PLEKHG1: variants seen among roughly 807,000 people sequenced by gnomAD.
PLEKHG1 encodes pleckstrin homology and RhoGEF domain containing G1.
In PLEKHG1, 44 loss-of-function variants were observed where a neutral mutation model predicts 100.8. The observed-to-expected ratio is 0.44, with a 90% CI of 0.34 to 0.56. PLEKHG1 has a LOEUF of 0.56. Ranked by LOEUF, PLEKHG1 falls within the 20% of genes least tolerant of loss-of-function variation. The pLI is 0.01. For synonymous variants in PLEKHG1, 640 were observed against 662.5 expected (o/e 0.97, Z 0.52); for missense variants, 1,545 against 1,720.9 (o/e 0.90, Z 1.81).
intron 1 of PLEKHG1, among the ~76,000 whole-genome samples, chr6:150,636,285 CT>C (rs951053507): frequency 5.2e-4 from 74 of 141,950 alleles, no homozygotes; most frequent in South Asian, 1.9e-3. Context: ...TAACTCATGA[CT>C]TTTTTTAAAA....
intron 2 of PLEKHG1, among the ~76,000 whole-genome samples, chr6:150,763,829 T>A (rs7759456): frequency 0.36 from 55,481 of 152,118 alleles, 12,422 homozygotes; most frequent in African/African-American, 0.62. Context: ...TGAGAAAGCA[T>A]CCTTCCTGGG....
chr6:150,680,759 C>T (rs1779901984), intron 3 of PLEKHG1, among the ~76,000 whole-genome samples: 2 of 152,072 alleles, frequency 1.3e-5, no homozygotes, highest in African/African-American at 4.8e-5. Context: ...GGGATGTGTG[C>T]GGTGAAGCGG....
intron 3 of PLEKHG1, among the ~76,000 whole-genome samples, chr6:150,706,832 A>G (rs1443546618): frequency 1.3e-5 from 2 of 152,002 alleles, no homozygotes; most frequent in Non-Finnish European, 2.9e-5. Flanking sequence ...GCTAATTAGG[A>G]TAAATGGCAA....
intron 3 of PLEKHG1, among the ~76,000 whole-genome samples, chr6:150,712,442 A>G (rs994894622): frequency 3.3e-5 from 5 of 152,334 alleles, no homozygotes; most frequent in Non-Finnish European, 7.3e-5. Context: ...AATAATACAT[A>G]TTCATTAAAG....
chr6:150,732,265 A>G (rs564506587), intron 1 of PLEKHG1, among the ~76,000 whole-genome samples: 2 of 152,266 alleles, frequency 1.3e-5, no homozygotes, highest in East Asian at 3.9e-4. Flanking sequence ...TTTAGTTCCT[A>G]TATGCGTCAT....
intron 3 of PLEKHG1, among the ~76,000 whole-genome samples, chr6:150,786,187 A>T: frequency 6.6e-6 from 1 of 152,222 alleles, no homozygotes; most frequent in Middle Eastern, 3.4e-3. Flanking sequence ...TATGGGTTCA[A>T]CCTGGGTTTA....
At chr6:150,717,921 C>T (rs758415472), upstream of PLEKHG1, among the ~76,000 whole-genome samples, 2 of 151,818 alleles carry the variant, frequency 1.3e-5, no homozygotes, top group Non-Finnish European at 2.9e-5. Flanking sequence ...ACTAAAAATA[C>T]AAAAAAATTA....
chr6:150,835,990 T>C (rs803406), intron 15 of PLEKHG1, among the ~76,000 whole-genome samples: 105,157 of 152,176 alleles, frequency 0.69, 36,598 homozygotes, highest in Non-Finnish European at 0.72. Flanking sequence ...TTCTTGCTTC[T>C]GCTTTTTCTG....
chr6:150,713,123 G>C (rs1325937853), intron 3 of PLEKHG1, among the ~76,000 whole-genome samples: 1 of 152,236 alleles, frequency 6.6e-6, no homozygotes, highest in Non-Finnish European at 1.5e-5. Context: ...GTGATTGCCA[G>C]TTCAAGTGGA....
intron 2 of PLEKHG1, among the ~76,000 whole-genome samples, chr6:150,750,720 G>A (rs897002891): frequency 2.2e-5 from 3 of 136,020 alleles, no homozygotes; most frequent in Non-Finnish European, 4.6e-5. Flanking sequence ...GGCGGAGCTT[G>A]CAGTGAGCCG....
At chr6:150,770,562 C>A (rs1784671906) in intron 3 of PLEKHG1, among the ~76,000 whole-genome samples, 1 of 152,122 alleles carries the variant, frequency 6.6e-6, no homozygotes, top group Non-Finnish European at 1.5e-5. Context: ...GCCAGAACAT[C>A]AGAATTTTTC....
Position 150,661,545 on chromosome 6 carries a change from A to G in PLEKHG1, c.-99+10759A>G, listed in dbSNP as rs188769642. On this transcript the variant is annotated intron_variant, in intron 3 of 3. Transcript: ENST00000367326. Reference sequence around the variant, plus strand: ...ATTTAACTCATCCTGTGCCTGAAATACAGTTAGGGCCATCTGGGGGCCAGT... The same window carrying G: ...ATTTAACTCATCCTGTGCCTGAAATGCAGTTAGGGCCATCTGGGGGCCAGT... Among the ~76,000 whole-genome samples the G allele has an allele frequency of 1.1e-4, 16 of 152,318 alleles. No individual in the cohort carries two copies. In the East Asian group the frequency reaches 2.9e-3, roughly 28 times the overall value.
intron 15 of PLEKHG1, among the ~76,000 whole-genome samples, chr6:150,836,890 A>G (rs1224754762): frequency 6.6e-6 from 1 of 151,824 alleles, no homozygotes; most frequent in East Asian, 1.9e-4. Flanking sequence ...GGCCAGGTGC[A>G]GTGACTCACA....
chr6:150,608,130 G>A (rs1477001078), intron 1 of PLEKHG1, among the ~76,000 whole-genome samples: 1 of 152,198 alleles, frequency 6.6e-6, no homozygotes, highest in African/African-American at 2.4e-5. Flanking sequence ...GTCCACAGGT[G>A]TGTCCCATCC....
chr6:150,733,490 C>G, intron 1 of PLEKHG1, 94 bp from the exon 3 acceptor site: 1 of 1,093,184 alleles, frequency 9.1e-7, no homozygotes, highest in Non-Finnish European at 1.3e-6. Flanking sequence ...TTGTTATTGA[C>G]TGTATTTATT....
At chr6:150,645,622 A>G (rs1778461826) in intron 2 of PLEKHG1, among the ~76,000 whole-genome samples, 1 of 152,226 alleles carries the variant, frequency 6.6e-6, no homozygotes, top group Non-Finnish European at 1.5e-5. Flanking sequence ...AGGGAAGGAA[A>G]CATAGATGCA....
intron 3 of PLEKHG1, among the ~76,000 whole-genome samples, chr6:150,681,521 G>T (rs1779932553): frequency 6.7e-6 from 1 of 150,174 alleles, no homozygotes; most frequent in Non-Finnish European, 1.5e-5. Context: ...AAAAAGAAAG[G>T]ATAATAGTAG....
chr6:150,626,937 C>T (rs574155390), intron 1 of PLEKHG1, among the ~76,000 whole-genome samples: 1 of 152,264 alleles, frequency 6.6e-6, no homozygotes, highest in Admixed American at 6.5e-5. Flanking sequence ...CTCAGGAAAG[C>T]TTGTGAAAGA....
At chr6:150,657,842 C>T (rs956324127) in intron 3 of PLEKHG1, among the ~76,000 whole-genome samples, 57 of 152,228 alleles carry the variant, frequency 3.7e-4, no homozygotes, top group African/African-American at 1.3e-3. Flanking sequence ...CACGGAAAGA[C>T]TGTCACCTAA....
Sources: allele counts gnomAD v4.1 joint callset (sites outside exome capture counted in the v4.1 genomes callset), GRCh38; gene constraint gnomAD v4.1.1; transcripts MANE v1.5; gene names NCBI Gene and HGNC (gene_info 2026-07-23, HGNC 2026-07-21).